The following ARHGAP42 variants were observed in gnomAD, a reference collection of about 807,000 sequenced individuals.
The protein encoded by ARHGAP42 is rho GTPase-activating protein 42.
ARHGAP42 carries 63 observed loss-of-function variants against 125.0 expected under a neutral mutation model. That is an observed-to-expected ratio of 0.50 (90% CI 0.41 to 0.62). The LOEUF (loss-of-function observed/expected upper bound fraction) is 0.62. ARHGAP42 is among the 20% of genes least tolerant of loss of function. The pLI, the probability that ARHGAP42 is intolerant of heterozygous loss-of-function variation, is 0.00. For synonymous variants in ARHGAP42, 339 were observed against 351.0 expected (o/e 0.97, Z 0.38); for missense variants, 766 against 1,024.2 (o/e 0.75, Z 3.44).
chr11:100,887,918 C>T (rs1020769330), intron 4 of ARHGAP42, among the ~76,000 whole-genome samples: 5 of 152,228 alleles, frequency 3.3e-5, no homozygotes, highest in African/African-American at 1.2e-4. Context: ...CTGAGTGAGC[C>T]TGGGCTTTTC....
intron 3 of ARHGAP42, among the ~76,000 whole-genome samples, chr11:100,825,945 G>A (rs930629240): frequency 3.9e-5 from 6 of 152,160 alleles, no homozygotes; most frequent in South Asian, 2.1e-4. Flanking sequence ...CTGAGTTCCC[G>A]TGGCTGTCAG....
rs139769090 is a variant in ARHGAP42, at chr11:100,979,154, A to G, written c.2456+105A>G. 190 of 1,141,230 alleles carry G rather than the reference A, an allele frequency of 1.7e-4. 1 individual carries two copies. In the East Asian group the frequency reaches 4.8e-3, roughly 29 times the overall value. The allele number at this position is 1,141,230 out of a possible 1,614,324, so 70.7% of individuals were successfully genotyped here. A position where few individuals can be genotyped will look rare whatever the true frequency, so the allele number is the denominator to read the frequency against. On this transcript the variant is annotated intron_variant, in intron 22 of 23. Coordinates refer to ENST00000298815, the MANE Select transcript of ARHGAP42 (RefSeq NM_152432.4). ...ACAGCTCCGCCTCTCCATTATGCAGATGGTCAAATTTAAGTCCACTGGCCC... is the reference window on the plus strand; with the variant it reads ...ACAGCTCCGCCTCTCCATTATGCAGGTGGTCAAATTTAAGTCCACTGGCCC...
chr11:100,798,754 A>G (rs1440410751), intron 3 of ARHGAP42, among the ~76,000 whole-genome samples: 2 of 152,324 alleles, frequency 1.3e-5, no homozygotes, highest in Admixed American at 1.3e-4. Flanking sequence ...TGAACCCACA[A>G]TATCTCTGAG....
chr11:100,804,623 C>T (rs930942364), intron 3 of ARHGAP42, among the ~76,000 whole-genome samples: 27 of 151,350 alleles, frequency 1.8e-4, no homozygotes, highest in Non-Finnish European at 1.8e-4. Context: ...AGGCTCAATG[C>T]AACCTCAGCC....
At chr11:100,878,522 A>C (rs1277132026) in intron 4 of ARHGAP42, among the ~76,000 whole-genome samples, 1 of 152,188 alleles carries the variant, frequency 6.6e-6, no homozygotes, top group Non-Finnish European at 1.5e-5. Flanking sequence ...CTGCTTTAAA[A>C]ATCTAATTTC....
intron 3 of ARHGAP42, among the ~76,000 whole-genome samples, chr11:100,846,914 A>G (rs1254437749): frequency 2.0e-5 from 3 of 152,142 alleles, no homozygotes; most frequent in East Asian, 3.9e-4. Context: ...GTCGTGTTAC[A>G]TGGTGGCATG....
Position 100,824,247 on chromosome 11 carries a change from A to T in ARHGAP42, c.312+29081A>T, listed in dbSNP as rs536821385. 2.0e-3 allele frequency among the ~76,000 whole-genome samples: 297 copies of T among 152,292 alleles called. 2 individuals are homozygous for T. Among genetic ancestry groups the T allele is most frequent in the African/African-American group, 6.6e-3 (276 of 41,558 alleles). ...GTTAGTATTCAATAGCTTGGTGGCCACATCTTTTCTGCACATGCTTACATA... is the reference window on the plus strand; with the variant it reads ...GTTAGTATTCAATAGCTTGGTGGCCTCATCTTTTCTGCACATGCTTACATA... On this transcript the variant is annotated intron_variant, in intron 3 of 23. Coordinates refer to ENST00000298815, the MANE Select transcript of ARHGAP42 (RefSeq NM_152432.4).
intron 3 of ARHGAP42, among the ~76,000 whole-genome samples, chr11:100,834,798 CA>C (rs1434016473): frequency 2.7e-5 from 4 of 149,110 alleles, no homozygotes; most frequent in Non-Finnish European, 5.9e-5. Context: ...GGCCATAATC[CA>C]TTATGGGGCC....
chr11:100,739,735 A>G (rs1167492094), intron 1 of ARHGAP42, among the ~76,000 whole-genome samples: 1 of 152,040 alleles, frequency 6.6e-6, no homozygotes, highest in Non-Finnish European at 1.5e-5. Context: ...TGGCTTGTGT[A>G]CTGAAAATGC....
At chr11:100,894,453 A>G (rs779322587) in intron 4 of ARHGAP42, among the ~76,000 whole-genome samples, 33 of 152,196 alleles carry the variant, frequency 2.2e-4, no homozygotes, top group Non-Finnish European at 3.8e-4. Context: ...GCATTCACAG[A>G]GTGCTGAAAC....
rs1337608695 is a variant in ARHGAP42, at chr11:100,762,982, T to A, written c.155-7361T>A. ...GTAGTTTATAGTGATTTTTTTTTTT[T>A]TTTTTTTTTTTTTTGAGATGGAGTT... On this transcript the variant is annotated intron_variant, in intron 1 of 23. Coordinates refer to ENST00000298815, the MANE Select transcript of ARHGAP42 (RefSeq NM_152432.4). Among the ~76,000 whole-genome samples, 9 of 144,858 alleles carry A rather than the reference T, an allele frequency of 6.2e-5. 2 individuals are homozygous for A. In the South Asian group the frequency reaches 1.8e-3, roughly 29 times the overall value.
chr11:100,993,759 T>A lies in ARHGAP42; in HGVS notation c.*4958T>A, dbSNP rs1858903241. The stretch of plus-strand genomic sequence containing the variant: ...TGATTGTCCATAAATTATCATTGAA[T>A]TTTTTGTTTATTTTGTAGTGTTCTG... On this transcript the variant is annotated 3_prime_UTR_variant, in exon 24 of 24. Coordinates refer to ENST00000298815, the MANE Select transcript of ARHGAP42 (RefSeq NM_152432.4). 6.0e-6 allele frequency: 1 copy of A among 167,104 alleles called. No individual in the cohort carries two copies. Among genetic ancestry groups the A allele is most frequent in the East Asian group, 1.9e-4 (1 of 5,208 alleles). 10.4% of individuals were successfully genotyped at this position (167,104 alleles called of 1,614,324 possible).
chr11:100,783,300 TTGGTGTGCACCTGTAGTCCCAGCTACTTG>T, intron 2 of ARHGAP42, among the ~76,000 whole-genome samples: 1 of 152,232 alleles, frequency 6.6e-6, no homozygotes, highest in East Asian at 1.9e-4. Context: ...TTTGGGCATG[TTGGTGTGCACCTGTAGTCCCAGCTACTTG>T]AGAGGCTGAG....
At chr11:100,946,660 T>C (rs1868028507) in intron 10 of ARHGAP42, among the ~76,000 whole-genome samples, 1 of 152,114 alleles carries the variant, frequency 6.6e-6, no homozygotes, top group South Asian at 2.1e-4. Context: ...CACACAACTT[T>C]TATTGACTGT....
At position 100,726,851 on chromosome 11, in the gene ARHGAP42, A is replaced by G. The variant is rs139801868; in HGVS notation, c.154+39019A>G. ...TTCTCTGTGGTGCTTTCTTTTTGCA[A>G]TTACATCCATAGCAGTGGGGCTTCA... is the stretch of plus-strand genomic sequence containing the variant. On this transcript the variant is annotated intron_variant, in intron 1 of 23. Coordinates refer to ENST00000298815, the MANE Select transcript of ARHGAP42 (RefSeq NM_152432.4). Among the ~76,000 whole-genome samples the G allele has an allele frequency of 8.3e-3, 1,266 of 152,272 alleles. 13 individuals carry two copies. Among genetic ancestry groups the G allele is most frequent in the African/African-American group, 0.029 (1,215 of 41,540 alleles).
At chr11:100,881,439 G>A (rs1865959346) in intron 4 of ARHGAP42, among the ~76,000 whole-genome samples, 1 of 152,106 alleles carries the variant, frequency 6.6e-6, no homozygotes, top group African/African-American at 2.4e-5. Flanking sequence ...TGGTCTATGT[G>A]CCTATTTTTA....
At chr11:100,743,252 G>T (rs977952151) in intron 1 of ARHGAP42, among the ~76,000 whole-genome samples, 3 of 152,092 alleles carry the variant, frequency 2.0e-5, no homozygotes, top group East Asian at 1.9e-4. Context: ...TTCTTGTATG[G>T]CTGGGCTGGT....
At chr11:100,971,439 C>A (rs1026702162) in intron 17 of ARHGAP42, among the ~76,000 whole-genome samples, 1 of 152,130 alleles carries the variant, frequency 6.6e-6, no homozygotes, top group African/African-American at 2.4e-5. Context: ...CAGGAGACAG[C>A]AGTTGAGTAT....
intron 6 of ARHGAP42, among the ~76,000 whole-genome samples, chr11:100,930,504 A>G (rs73580115): frequency 0.015 from 2,341 of 152,240 alleles, 62 homozygotes; most frequent in African/African-American, 0.052. Flanking sequence ...AGGATTGTAC[A>G]TTTCCTAGTG....
Sources: allele counts gnomAD v4.1 joint callset (sites outside exome capture counted in the v4.1 genomes callset), GRCh38; gene constraint gnomAD v4.1.1; transcripts MANE v1.5; gene names NCBI Gene and HGNC (gene_info 2026-07-23, HGNC 2026-07-21).